PIAS2: variants seen among roughly 807,000 people sequenced by gnomAD.
The protein encoded by PIAS2 is protein inhibitor of activated STAT 2.
PIAS2 carries 19 observed loss-of-function variants against 69.7 expected under a neutral mutation model. That is an observed-to-expected ratio of 0.27 (90% CI 0.19 to 0.40). PIAS2 has a LOEUF of 0.40. PIAS2 is among the 10% of genes least tolerant of loss of function. PIAS2 has a pLI of 1.00. For missense variants in PIAS2, 624 were observed against 757.0 expected (o/e 0.82, Z 2.06); for synonymous variants, 261 against 263.2 (o/e 0.99, Z 0.08).
Position 46,846,749 on chromosome 18 carries a change from C to A in PIAS2, c.819G>T (p.Val273=), listed in dbSNP as rs1396616323. ...ITSLVRLSSA[V]PNQISISWAS... ...CCCAAGAAATGGAAATTTGGTTTGG[C>A]ACAGCTGAAGATAACCTAACTAAAG... Residue 273 remains valine (V), a synonymous_variant, in exon 6 of 14, where the codon GTG becomes GTT. Coordinates refer to ENST00000585916, the MANE Select transcript of PIAS2 (RefSeq NM_004671.5). 1 of 1,611,910 alleles carries A rather than the reference C, an allele frequency of 6.2e-7. No homozygotes were observed. The highest frequency in any genetic ancestry group is 1.3e-5 in the African/African-American group (1 of 74,842).
Position 46,816,786 on chromosome 18 carries a change from CAT to C in PIAS2, c.1649-1439_1649-1438del, listed in dbSNP as rs1434448940. On this transcript the variant is annotated intron_variant, in intron 12 of 13. Coordinates refer to ENST00000585916, the MANE Select transcript of PIAS2 (RefSeq NM_004671.5). ...CCCAGCTTGCTGTAATTTTTCATTT[CAT>C]ATGTCTGTCACTAGCTATATGACAC... 6 of 984,666 alleles carry C rather than the reference CAT, an allele frequency of 6.1e-6. No homozygotes were observed. In the Admixed American group the frequency reaches 3.1e-4, roughly 51 times the overall value. The allele number at this position is 984,666 out of a possible 1,614,324, so 61.0% of individuals were successfully genotyped here. A position where few individuals can be genotyped will look rare whatever the true frequency, so the allele number is the denominator to read the frequency against.
chr18:46,834,319 C>T (rs1412547446), intron 9 of PIAS2, among the ~76,000 whole-genome samples: 2 of 152,022 alleles, frequency 1.3e-5, no homozygotes, highest in Non-Finnish European at 2.9e-5. Flanking sequence ...ACAAAGGTCA[C>T]AATAAATACA....
At chr18:46,877,476 C>T (rs187338183) in intron 2 of PIAS2, among the ~76,000 whole-genome samples, 1 of 152,092 alleles carries the variant, frequency 6.6e-6, no homozygotes, top group East Asian at 1.9e-4. Context: ...CTCTTCACTC[C>T]TGACCACCCA....
rs36010442 is a variant in PIAS2 at position 46,834,232 on chromosome 18, A to G, written c.1202+2125T>C. Among the ~76,000 whole-genome samples, 1,300 of 152,334 alleles carry G rather than the reference A, an allele frequency of 8.5e-3. 3 individuals carry two copies. Among genetic ancestry groups the G allele is most frequent in the Middle Eastern group, 0.017 (5 of 294 alleles). On this transcript the variant is annotated intron_variant, in intron 9 of 13. Coordinates refer to ENST00000585916, the MANE Select transcript of PIAS2 (RefSeq NM_004671.5). ...TCATATAAAATCTCTACAACTTTCT[A>G]AACACTTTCAAGGAAGACATTCAAA...
chr18:46,872,174 G>A (rs1418452109), intron 2 of PIAS2, among the ~76,000 whole-genome samples: 1 of 152,164 alleles, frequency 6.6e-6, no homozygotes, highest in Non-Finnish European at 1.5e-5. Flanking sequence ...GACGGGTCAT[G>A]CTGACTAGTG....
At chr18:46,875,989 C>T (rs2051123475) in intron 2 of PIAS2, among the ~76,000 whole-genome samples, 1 of 152,234 alleles carries the variant, frequency 6.6e-6, no homozygotes, top group African/African-American at 2.4e-5. Flanking sequence ...TACCTCATGT[C>T]TCTCACAACA....
At chr18:46,823,980 G>A (rs1000086008) in intron 11 of PIAS2, among the ~76,000 whole-genome samples, 4 of 152,154 alleles carry the variant, frequency 2.6e-5, no homozygotes, top group African/African-American at 4.8e-5. Flanking sequence ...AAAATGTGAT[G>A]CTATATGTTA....
intron 1 of PIAS2, among the ~76,000 whole-genome samples, chr18:46,906,802 AAT>A (rs1418103979): frequency 6.6e-6 from 1 of 151,644 alleles, no homozygotes; most frequent in Non-Finnish European, 1.5e-5. Context: ...ATAACATGAA[AAT>A]ATGATTCTAA....
intron 8 of PIAS2, among the ~76,000 whole-genome samples, chr18:46,836,999 A>C (rs972360300): frequency 6.6e-6 from 1 of 152,218 alleles, no homozygotes; most frequent in Non-Finnish European, 1.5e-5. Context: ...CATTATATGA[A>C]GGTATCATAA....
At chr18:46,851,600 T>C (rs1370566143) in intron 5 of PIAS2, among the ~76,000 whole-genome samples, 1 of 152,212 alleles carries the variant, frequency 6.6e-6, no homozygotes, top group African/African-American at 2.4e-5. Flanking sequence ...CAAGCCCTAC[T>C]ATGAGCTGCT....
intron 3 of PIAS2, among the ~76,000 whole-genome samples, chr18:46,863,887 G>A (rs1295248967): frequency 2.6e-5 from 4 of 151,888 alleles, no homozygotes; most frequent in East Asian, 1.9e-4. Context: ...CCACAGGGTA[G>A]GTCCCCAATC....
At chr18:46,864,340 C>T (rs941390397) in intron 2 of PIAS2, 92 bp from the exon 3 acceptor site, 39 of 728,338 alleles carry the variant, frequency 5.4e-5, no homozygotes, top group South Asian at 7.8e-5. Flanking sequence ...TATAAAGTAC[C>T]TGCCAAATTC....
At position 46,812,421 on chromosome 18, in the gene PIAS2, G is replaced by A. The variant is rs1180942012; in HGVS notation, c.*12C>T. 1.9e-6 allele frequency: 3 copies of A among 1,566,132 alleles called. No homozygotes were observed. Among genetic ancestry groups the A allele is most frequent in the Non-Finnish European group, 2.6e-6 (3 of 1,142,024 alleles). On this transcript the variant is annotated 3_prime_UTR_variant, in exon 14 of 14. Coordinates refer to ENST00000585916, the MANE Select transcript of PIAS2 (RefSeq NM_004671.5). ...TCTGATGAATGATTCCCAGAATCAA[G>A]TGAGTCCTCCTTTAGTCCAATGAGA...
At chr18:46,917,538 C>T (rs2058127987), upstream of PIAS2, 1 of 1,141,012 alleles carries the variant, frequency 8.8e-7, no homozygotes, top group Non-Finnish European at 1.1e-6. Context: ...CTCCGACGCG[C>T]CGAAGCCCCG....
intron 1 of PIAS2, chr18:46,901,001 G>T (rs1203371419): frequency 2.5e-6 from 1 of 392,258 alleles, no homozygotes; most frequent in African/African-American, 2.2e-5. Flanking sequence ...TAAAAATAAG[G>T]AAGAACTAAC....
At chr18:46,878,792 C>T (rs1035650948) in intron 2 of PIAS2, among the ~76,000 whole-genome samples, 1 of 152,152 alleles carries the variant, frequency 6.6e-6, no homozygotes, top group Non-Finnish European at 1.5e-5. Context: ...CACTAGAACC[C>T]GGGAGGCAGA....
At position 46,917,366 on chromosome 18, in the gene PIAS2, C is replaced by CGCCGCCGCT. The variant is rs1233204363; in HGVS notation, c.-30_-22dup. On this transcript the variant is annotated 5_prime_UTR_variant, in exon 1 of 14. Coordinates refer to ENST00000585916, the MANE Select transcript of PIAS2 (RefSeq NM_004671.5). ...GCCATTTTATACCACCCGCGGGCGC[C>CGCCGCCGCT]GCCGCCGCTGCCGCCGCACCCACTC... is the stretch of plus-strand genomic sequence containing the variant. 2.4e-5 allele frequency: 35 copies of CGCCGCCGCT among 1,458,048 alleles called. No homozygotes were observed. The highest frequency in any genetic ancestry group is 2.9e-5 in the Non-Finnish European group (32 of 1,099,412). The allele number at this position is 1,458,048 out of a possible 1,614,324, so 90.3% of individuals were successfully genotyped here. A position where few individuals can be genotyped will look rare whatever the true frequency, so the allele number is the denominator to read the frequency against.
intron 1 of PIAS2, among the ~76,000 whole-genome samples, chr18:46,902,875 A>G (rs565141910): frequency 2.0e-5 from 3 of 152,340 alleles, no homozygotes; most frequent in South Asian, 2.1e-4. Context: ...CACATAGATC[A>G]AGCAAAGAGA....
intron 5 of PIAS2, among the ~76,000 whole-genome samples, chr18:46,848,994 GC>G (rs2046575885): frequency 6.6e-6 from 1 of 152,126 alleles, no homozygotes; most frequent in Non-Finnish European, 1.5e-5. Context: ...CCTGTTTTGG[GC>G]CTGGAAGATA....
Sources: gnomAD v4.1 joint callset for allele counts (sites outside exome capture counted in the v4.1 genomes callset) on GRCh38, gnomAD v4.1.1 for gene constraint, MANE v1.5 for transcripts, NCBI Gene and HGNC (gene_info 2026-07-23, HGNC 2026-07-21) for gene names.